Variants in RYR1 observed in about 807,000 individuals in gnomAD.
RYR1 encodes central core disease of muscle.
RYR1 carries 342 observed loss-of-function variants against 583.5 expected under a neutral mutation model. The ratio of observed to expected loss-of-function variants is 0.59; its 90% CI spans 0.54 to 0.64. The LOEUF (loss-of-function observed/expected upper bound fraction) is 0.64. RYR1 is among the 30% of genes least tolerant of loss of function. The pLI is 0.00. For synonymous variants in RYR1, 2,791 were observed against 2,822.5 expected, an observed-to-expected ratio of 0.99 and a Z score of 0.35; for missense variants, 6,032 against 6,917.2, an observed-to-expected ratio of 0.87 and a Z score of 4.54.
At chr19:38,530,050 G>A (rs1318879761) in intron 76 of RYR1, among the ~76,000 whole-genome samples, 3 of 152,012 alleles carry the variant, frequency 2.0e-5, no homozygotes, top group Non-Finnish European at 4.4e-5. Flanking sequence ...CACAATCTCA[G>A]CTCACTGCAA....
intron 7 of RYR1, among the ~76,000 whole-genome samples, chr19:38,445,222 C>CA (rs61419525): frequency 0.47 from 22,857 of 48,188 alleles, 7,494 homozygotes; most frequent in Non-Finnish European, 0.55. Context: ...GACTCTGCCT[C>CA]AAAAAAAAAA....
At position 38,468,997 on chromosome 19, in the gene RYR1, T is replaced by A; in HGVS notation, c.3413T>A (p.Phe1138Tyr). 1 of 1,614,128 alleles carries A rather than the reference T, an allele frequency of 6.2e-7. No homozygotes were observed. The highest frequency in any genetic ancestry group is 2.2e-5 in the East Asian group (1 of 44,874). Residue 1138 changes from phenylalanine (F) to tyrosine (Y), a missense_variant, in exon 26 of 106, where the codon TTT becomes TAT. Phe to Tyr is a conservative substitution (Grantham distance 22). Coordinates refer to ENST00000359596, the MANE Select transcript of RYR1 (RefSeq NM_000540.3). ...GQRWHLGSEP[F>Y]GRPWQPGDVV... ...CGCTGGCACTTGGGCAGTGAACCAT[T>A]TGGGCGCCCCTGGCAGCCGGGCGAT...
In RYR1 at chr19:38,586,205, C is replaced by T. The variant is rs1974480251; in HGVS notation, c.14969+14C>T. The T allele has an allele frequency of 5.0e-6, 8 of 1,610,662 alleles. No homozygotes were observed. Among genetic ancestry groups the T allele is most frequent in the Non-Finnish European group, 4.2e-6 (5 of 1,177,986 alleles). ...GGCCAATTACATGTGAGCAGACACA[C>T]TGGCCAGTCAGGAGGGTGGGGGGCA... On this transcript the variant is annotated intron_variant, in intron 104 of 105. Coordinates refer to ENST00000359596, the MANE Select transcript of RYR1 (RefSeq NM_000540.3).
chr19:38,549,320 G>A (rs568300691), intron 89 of RYR1, among the ~76,000 whole-genome samples: 244 of 152,222 alleles, frequency 1.6e-3, no homozygotes, highest in Non-Finnish European at 2.6e-3. Context: ...GGCAGTGTGC[G>A]GTGGTTCATG....
At chr19:38,524,204 G>GA (rs997556383) in intron 70 of RYR1, among the ~76,000 whole-genome samples, 4 of 97,470 alleles carry the variant, frequency 4.1e-5, no homozygotes, top group African/African-American at 1.6e-4. Context: ...AAAAAAAAAA[G>GA]AAAAAAAGAG....
intron 1 of RYR1, 88 bp downstream of exon 1, chr19:38,433,962 G>C: frequency 8.3e-7 from 1 of 1,198,630 alleles, no homozygotes; most frequent in Non-Finnish European, 1.2e-6. Flanking sequence ...TGTCCGGCTT[G>C]CTGGTGGTCT....
In RYR1 at chr19:38,499,889, C is replaced by T; in HGVS notation, c.7215-19C>T. 6.2e-7 allele frequency: 1 copy of T among 1,613,752 alleles called. No homozygotes were observed. Among genetic ancestry groups the T allele is most frequent in the Non-Finnish European group, 8.5e-7 (1 of 1,179,794 alleles). On this transcript the variant is annotated intron_variant, in intron 44 of 105. Transcript: ENST00000359596. This position sits in a 1 kb window ranked among gnomAD's most constrained non-coding sequence, Gnocchi z 7.3. ...CCTGGCCCCTGGCTGCCTCCCCAAC[C>T]CACCCACCTTCCCTGCAGCTTTGGT...
At chr19:38,463,920 C>T in intron 22 of RYR1, 70 bp downstream of exon 22, 1 of 1,146,342 alleles carries the variant, frequency 8.7e-7, no homozygotes. Flanking sequence ...CATGGAGAGA[C>T]AGGGCAGGAG....
intron 31 of RYR1, among the ~76,000 whole-genome samples, chr19:38,482,126 TCTCAGAC>T (rs1969040822): frequency 6.6e-6 from 1 of 151,680 alleles, no homozygotes; most frequent in South Asian, 2.1e-4. Context: ...AAACCCAGAG[TCTCAGAC>T]CCCTTCCCAT....
chr19:38,450,929 G>A (rs999294148), intron 11 of RYR1, among the ~76,000 whole-genome samples: 3 of 152,154 alleles, frequency 2.0e-5, no homozygotes, highest in African/African-American at 7.2e-5. Context: ...TTATTTTGGG[G>A]GCTGCTTTCC....
chr19:38,515,230 C>T (rs1970909427), intron 64 of RYR1, 123 bp downstream of exon 64: 6 of 814,664 alleles, frequency 7.4e-6, no homozygotes, highest in South Asian at 1.5e-5. Flanking sequence ...CACACGGCGG[C>T]AGCCGCGGTT....
chr19:38,543,051 A>C lies in RYR1; in HGVS notation c.11690-296A>C, dbSNP rs1294908766. 6.6e-6 allele frequency among the ~76,000 whole-genome samples: 1 copy of C among 152,008 alleles called. No individual in the cohort carries two copies. The highest frequency in any genetic ancestry group is 1.9e-4 in the East Asian group (1 of 5,190). Reference sequence around the variant, plus strand: ...GAGACGGGGTTTCACCATGTTGGTCAGGCTGGTCTCAAACTCCTGACCTCA... The same window carrying C: ...GAGACGGGGTTTCACCATGTTGGTCCGGCTGGTCTCAAACTCCTGACCTCA... On this transcript the variant is annotated intron_variant, in intron 84 of 105. Transcript: ENST00000359596. The surrounding 1 kb of genome is among the most constrained non-coding windows in gnomAD (Gnocchi z 4.4).
At position 38,543,252 on chromosome 19, in the gene RYR1, C is replaced by G. The variant is rs1972276497; in HGVS notation, c.11690-95C>G. 1 of 1,055,082 alleles carries G rather than the reference C, an allele frequency of 9.5e-7. No individual in the cohort carries two copies. Among genetic ancestry groups the G allele is most frequent in the East Asian group, 2.4e-5 (1 of 42,334 alleles). 65.4% of individuals were successfully genotyped at this position (1,055,082 alleles called of 1,614,324 possible). A position where few individuals can be genotyped will look rare whatever the true frequency, so the allele number is the denominator to read the frequency against. On this transcript the variant is annotated intron_variant, in intron 84 of 105. Coordinates refer to ENST00000359596, the MANE Select transcript of RYR1 (RefSeq NM_000540.3). The surrounding 1 kb of genome is among the most constrained non-coding windows in gnomAD (Gnocchi z 4.4). ...TGCTTTCTGGCATACAATAGGAACTCAACACATGAGTATTGCATAAATGAA... is the reference window on the plus strand; with the variant it reads ...TGCTTTCTGGCATACAATAGGAACTGAACACATGAGTATTGCATAAATGAA...
chr19:38,501,837 T>C (rs573551153), intron 47 of RYR1, among the ~76,000 whole-genome samples: 33 of 152,076 alleles, frequency 2.2e-4, no homozygotes, highest in Middle Eastern at 3.4e-3. Flanking sequence ...AATTTAAATA[T>C]TAGCTGGGCA....
Position 38,455,309 on chromosome 19 carries a change from T to G in RYR1, c.1515T>G (p.Phe505Leu). The stretch of plus-strand genomic sequence containing the variant: ...CCACTGCTGCCCACTTTGCTGAGTT[T>G]GCAGGGGAGGAGGCAGCCGAGTCCT... The part of the protein sequence containing the change: ...VYTTAAHFAE[F>L]AGEEAAESWK... The change falls in exon 14 of 106, where the codon TTT (phenylalanine) becomes TTG (leucine). Residue 505 changes from phenylalanine (F) to leucine (L), a missense_variant. By Grantham distance (22) the Phe-to-Leu change is conservative (BLOSUM62 0). Transcript: ENST00000359596. 1 of 1,614,098 alleles carries G rather than the reference T, an allele frequency of 6.2e-7. No individual in the cohort carries two copies. Among genetic ancestry groups the G allele is most frequent in the Non-Finnish European group, 8.5e-7 (1 of 1,180,008 alleles).
intron 78 of RYR1, among the ~76,000 whole-genome samples, chr19:38,534,372 G>T (rs1293736139): frequency 1.3e-5 from 2 of 152,166 alleles, no homozygotes; most frequent in Non-Finnish European, 2.9e-5. Flanking sequence ...GTGATTTATG[G>T]CTTCATCCAT....
At chr19:38,537,712 G>A (rs539007888) in intron 83 of RYR1, among the ~76,000 whole-genome samples, 168 bp from the exon 84 acceptor site, 10 of 152,294 alleles carry the variant, frequency 6.6e-5, no homozygotes, top group South Asian at 6.2e-4. Flanking sequence ...ACCGCCTGGC[G>A]TCATGGATGC....
At chr19:38,478,708 C>G in intron 31 of RYR1, 108 bp downstream of exon 31, 1 of 1,320,898 alleles carries the variant, frequency 7.6e-7, no homozygotes, top group Non-Finnish European at 1.1e-6. Context: ...ACAAAAACAG[C>G]TCCTAGGCTG....
chr19:38,584,667 C>G (rs182768114), intron 101 of RYR1, among the ~76,000 whole-genome samples: 84 of 122,298 alleles, frequency 6.9e-4, no homozygotes, highest in African/African-American at 2.6e-3. Context: ...CTGGCCCTGA[C>G]CCCTCTGCCT....
Sources: allele counts gnomAD v4.1 joint callset (sites outside exome capture counted in the v4.1 genomes callset), GRCh38; gene constraint gnomAD v4.1.1; non-coding constraint Gnocchi (gnomAD v3.1); transcripts MANE v1.5; gene names NCBI Gene and HGNC (gene_info 2026-07-23, HGNC 2026-07-21).